Variants in RYR2 observed in about 807,000 individuals in gnomAD.
The protein encoded by RYR2 is ryanodine receptor 2.
Under a neutral mutation model 601.1 loss-of-function variants are expected in RYR2, and 227 were observed. That is an observed-to-expected ratio of 0.38 (90% CI 0.34 to 0.42). RYR2 has a LOEUF of 0.42. Among genes scored for constraint, RYR2 ranks in the 10% least tolerant of loss-of-function variants. The pLI is 1.00. For missense variants in RYR2, 4,646 were observed against 6,156.5 expected (o/e 0.75, Z 8.21); for synonymous variants, 2,223 against 2,175.1 (o/e 1.02, Z -0.61).
chr1:237,719,249 C>A (rs1483768761), intron 73 of RYR2, among the ~76,000 whole-genome samples: 1 of 151,926 alleles, frequency 6.6e-6, no homozygotes, highest in Non-Finnish European at 1.5e-5. Context: ...AAAGGGAAAC[C>A]CTGTCTCAAA....
rs1383730089 is a variant in RYR2 at position 237,808,989 on chromosome 1, G to A, written c.14387G>A (p.Ser4796Asn). 1 of 1,613,330 alleles carries A rather than the reference G, an allele frequency of 6.2e-7. No individual in the cohort carries two copies. The highest frequency in any genetic ancestry group is 2.2e-5 in the East Asian group (1 of 44,868). ...TTTTTCCGAAAATTCTACAATAAAA[G>A]TGAAGATGGTGATACACCAGATATG... is the stretch of plus-strand genomic sequence containing the variant. ...FNFFRKFYNK[S>N]EDGDTPDMKC... Residue 4796 changes from serine (S) to asparagine (N), a missense_variant, in exon 100 of 105, where the codon AGT becomes AAT. This residue lies in a region of RYR2 where 21 missense variants were observed against 24.8 expected (regional missense o/e 0.85). Coordinates refer to ENST00000366574, the MANE Select transcript of RYR2 (RefSeq NM_001035.3).
intron 1 of RYR2, among the ~76,000 whole-genome samples, chr1:237,157,386 G>A (rs114153818): frequency 0.022 from 3,342 of 150,454 alleles, 56 homozygotes; most frequent in Middle Eastern, 0.084. Context: ...ATCCCGCTAA[G>A]TAAATATCCA....
intron 80 of RYR2, among the ~76,000 whole-genome samples, chr1:237,753,026 A>G (rs1053120293): frequency 1.3e-5 from 2 of 152,238 alleles, no homozygotes; most frequent in African/African-American, 4.8e-5. Context: ...CTCATTTTGT[A>G]TGATGCACAG....
chr1:237,402,540 G>T (rs938044720), intron 10 of RYR2, among the ~76,000 whole-genome samples: 1 of 152,152 alleles, frequency 6.6e-6, no homozygotes, highest in South Asian at 2.1e-4. Context: ...ACAATGGATA[G>T]ATTTAATATC....
chr1:237,377,244 T>A (rs757851165), intron 7 of RYR2, 79 bp from the exon 8 acceptor site: 1 of 957,402 alleles, frequency 1.0e-6, no homozygotes, highest in Non-Finnish European at 1.5e-6. Flanking sequence ...GAAAGTTGTG[T>A]GTTGGGAATC....
chr1:237,323,904 C>T (rs746506661), intron 2 of RYR2, among the ~76,000 whole-genome samples: 3 of 152,296 alleles, frequency 2.0e-5, no homozygotes, highest in Admixed American at 1.3e-4. Context: ...TTTCAAAAAG[C>T]TGACCTGAAC....
At chr1:237,501,100 T>G (rs951599143) in intron 21 of RYR2, among the ~76,000 whole-genome samples, 197 bp downstream of exon 21, 1 of 152,014 alleles carries the variant, frequency 6.6e-6, no homozygotes, top group African/African-American at 2.4e-5. Flanking sequence ...GCTGAATGCT[T>G]TGTTTACGGA....
chr1:237,433,473 TA>T (rs1288341959), intron 12 of RYR2, among the ~76,000 whole-genome samples: 8 of 152,000 alleles, frequency 5.3e-5, no homozygotes, highest in Non-Finnish European at 1.2e-4. Context: ...TGAAACACAA[TA>T]AAAAGAGACC....
chr1:237,714,449 G>C (rs1689092327), intron 71 of RYR2, among the ~76,000 whole-genome samples: 2 of 152,170 alleles, frequency 1.3e-5, no homozygotes, highest in African/African-American at 4.8e-5. Context: ...GGGTCATAAG[G>C]AGAGAGGGTG....
intron 10 of RYR2, among the ~76,000 whole-genome samples, chr1:237,390,759 G>A (rs1415498628): frequency 6.6e-6 from 1 of 152,128 alleles, no homozygotes; most frequent in Non-Finnish European, 1.5e-5. Flanking sequence ...TTGCATATAT[G>A]TTGAAGCCTG....
chr1:237,077,453 A>C (rs1325460064), intron 1 of RYR2, among the ~76,000 whole-genome samples: 1 of 134,404 alleles, frequency 7.4e-6, no homozygotes, highest in East Asian at 2.1e-4. Flanking sequence ...AATGGAAAAC[A>C]AAAAAAGGCA....
intron 101 of RYR2, among the ~76,000 whole-genome samples, chr1:237,824,544 TA>T (rs1392705871): frequency 2.2e-4 from 13 of 58,396 alleles, no homozygotes; most frequent in African/African-American, 1.0e-3. Context: ...TAATAAGAGC[TA>T]TATATGACAA....
chr1:237,306,926 C>T (rs6682878), intron 2 of RYR2, among the ~76,000 whole-genome samples: 15,859 of 152,090 alleles, frequency 0.1, 1,237 homozygotes, highest in African/African-American at 0.22. Flanking sequence ...TTCATTGTAA[C>T]ACAAATATAC....
intron 84 of RYR2, among the ~76,000 whole-genome samples, chr1:237,761,359 A>G (rs1693421541): frequency 6.6e-6 from 1 of 152,184 alleles, no homozygotes; most frequent in Admixed American, 6.5e-5. Context: ...TGAACCTTTC[A>G]AGAACATTTG....
At chr1:237,350,032 A>C (rs889063117) in intron 3 of RYR2, among the ~76,000 whole-genome samples, 2 of 152,258 alleles carry the variant, frequency 1.3e-5, no homozygotes, top group Middle Eastern at 3.4e-3. Context: ...ATATAATACA[A>C]ATAATATGAA....
chr1:237,633,789 A>T (rs552192847), intron 43 of RYR2, 79 bp downstream of exon 43: 1 of 1,387,422 alleles, frequency 7.2e-7, no homozygotes, highest in African/African-American at 1.5e-5. Flanking sequence ...TTTTGTTAAA[A>T]AATGTGCAAT....
At chr1:237,269,042 CT>C (rs200563683) in intron 1 of RYR2, among the ~76,000 whole-genome samples, 41,124 of 112,894 alleles carry the variant, frequency 0.36, 8,086 homozygotes, top group Admixed American at 0.46. Flanking sequence ...ATAGCATATT[CT>C]TTTTTTTTTT....
intron 99 of RYR2, among the ~76,000 whole-genome samples, chr1:237,808,493 T>C (rs1660888803): frequency 6.6e-6 from 1 of 151,730 alleles, no homozygotes; most frequent in Admixed American, 6.6e-5. Flanking sequence ...AAACCCCATC[T>C]CTACTAAAAA....
intron 1 of RYR2, among the ~76,000 whole-genome samples, chr1:237,053,757 A>C: frequency 6.6e-6 from 1 of 152,112 alleles, no homozygotes; most frequent in Non-Finnish European, 1.5e-5. Context: ...TCTACTACAC[A>C]GTGGACATAA....
Sources: gnomAD v4.1 joint callset for allele counts (sites outside exome capture counted in the v4.1 genomes callset) on GRCh38, gnomAD v4.1.1 for gene constraint, gnomAD v4.1.1 regional missense constraint, MANE v1.5 for transcripts, NCBI Gene and HGNC (gene_info 2026-07-23, HGNC 2026-07-21) for gene names.